LRRC49: variants seen among roughly 807,000 people sequenced by gnomAD.
The protein encoded by LRRC49 is leucine rich repeat containing 49.
In LRRC49, 50 loss-of-function variants were observed where a neutral mutation model predicts 83.3. That is an observed-to-expected ratio of 0.60 (90% CI 0.48 to 0.76). The LOEUF (loss-of-function observed/expected upper bound fraction) is 0.76. LRRC49 is among the 30% of genes least tolerant of loss of function. LRRC49 has a pLI of 0.00. For synonymous variants in LRRC49, 286 were observed against 283.3 expected (o/e 1.01, Z -0.10); for missense variants, 704 against 809.1 (o/e 0.87, Z 1.58).
chr15:70,860,193 C>T, intron 1 of LRRC49: 1 of 650,530 alleles, frequency 1.5e-6, no homozygotes, highest in South Asian at 1.7e-5. Flanking sequence ...CATCCTACCC[C>T]TCCTGCGGCT....
chr15:70,886,774 G>C (rs1286180026), intron 2 of LRRC49, among the ~76,000 whole-genome samples: 1 of 152,070 alleles, frequency 6.6e-6, no homozygotes. Flanking sequence ...GCTGAGACAG[G>C]AGAATCGCTT....
chr15:71,013,459 AATC>A (rs1308385371), intron 14 of LRRC49, among the ~76,000 whole-genome samples: 1 of 152,248 alleles, frequency 6.6e-6, no homozygotes, highest in Admixed American at 6.5e-5. Context: ...AAGCACAAGC[AATC>A]ATATAATTGG....
At chr15:71,011,864 C>T (rs1239885456) in intron 13 of LRRC49, among the ~76,000 whole-genome samples, 1 of 152,086 alleles carries the variant, frequency 6.6e-6, no homozygotes, top group Non-Finnish European at 1.5e-5. Context: ...AAGAGTATTA[C>T]AGATAGTGTC....
At chr15:70,898,397 G>T in intron 3 of LRRC49, 1 of 701,672 alleles carries the variant, frequency 1.4e-6, no homozygotes, top group Non-Finnish European at 2.6e-6. Context: ...AATGTAAAAT[G>T]AGGTCCATCA....
At chr15:70,882,773 G>A (rs2033297547) in intron 2 of LRRC49, 1 of 1,614,160 alleles carries the variant, frequency 6.2e-7, no homozygotes, top group Non-Finnish European at 8.5e-7. Flanking sequence ...ACACTACGGT[G>A]ACGGGGCCTT....
At chr15:70,977,242 A>G (rs1415535211) in intron 9 of LRRC49, among the ~76,000 whole-genome samples, 2 of 152,248 alleles carry the variant, frequency 1.3e-5, no homozygotes, top group Admixed American at 6.5e-5. Flanking sequence ...AAAGAATTTA[A>G]CAGAATTATT....
chr15:70,871,404 C>A (rs1225403205), intron 1 of LRRC49, among the ~76,000 whole-genome samples: 1 of 152,158 alleles, frequency 6.6e-6, no homozygotes, highest in Non-Finnish European at 1.5e-5. Context: ...CCCCACATTT[C>A]CCCCCTCTCT....
chr15:70,974,057 T>G (rs189531057), intron 9 of LRRC49, among the ~76,000 whole-genome samples: 2 of 151,702 alleles, frequency 1.3e-5, no homozygotes, highest in East Asian at 3.9e-4. Flanking sequence ...AACCAGGGAG[T>G]TGGAGGTTGC....
chr15:70,892,071 C>T (rs750784582), upstream of LRRC49: 70 of 1,613,802 alleles, frequency 4.3e-5, 1 homozygote, highest in East Asian at 2.5e-4. Context: ...TTCTGGATAA[C>T]CGAAGAGACG....
At chr15:70,887,590 A>C (rs1268631816), upstream of LRRC49, among the ~76,000 whole-genome samples, 1 of 151,974 alleles carries the variant, frequency 6.6e-6, no homozygotes, top group Non-Finnish European at 1.5e-5. Context: ...ATAAAGGGGA[A>C]CATTTCTTTT....
At chr15:70,861,377 T>C (rs1258615390) in intron 1 of LRRC49, among the ~76,000 whole-genome samples, 1 of 97,968 alleles carries the variant, frequency 1.0e-5, no homozygotes, top group Non-Finnish European at 2.6e-5. Flanking sequence ...TTCCCCCTAT[T>C]AGCATAGGAG....
chr15:71,047,676 C>T (rs2039891579), intron 15 of LRRC49, among the ~76,000 whole-genome samples: 1 of 152,200 alleles, frequency 6.6e-6, no homozygotes, highest in Non-Finnish European at 1.5e-5. Flanking sequence ...TAATTTCTTT[C>T]TCTTGCCTGA....
chr15:71,048,869 C>T, intron 15 of LRRC49: 1 of 455,880 alleles, frequency 2.2e-6, no homozygotes, highest in Non-Finnish European at 4.4e-6. Context: ...TTTACTCTTC[C>T]TAATTGTACA....
At chr15:70,974,969 A>G (rs922009728) in intron 9 of LRRC49, among the ~76,000 whole-genome samples, 2 of 152,268 alleles carry the variant, frequency 1.3e-5, no homozygotes, top group South Asian at 4.1e-4. Context: ...GATTAGACTT[A>G]GCAGCGTGTG....
chr15:70,997,520 G>T (rs1022306717), intron 11 of LRRC49, among the ~76,000 whole-genome samples: 2 of 152,126 alleles, frequency 1.3e-5, no homozygotes, highest in African/African-American at 4.8e-5. Flanking sequence ...GGAGGCTGAG[G>T]CGGGTGGATA....
At chr15:71,009,238 G>A (rs930173335) in intron 12 of LRRC49, among the ~76,000 whole-genome samples, 1 of 151,730 alleles carries the variant, frequency 6.6e-6, no homozygotes, top group African/African-American at 2.4e-5. Context: ...ATAGTTAGAG[G>A]TGAAGACAGT....
chr15:70,968,330 G>C (rs1232923452), intron 9 of LRRC49, among the ~76,000 whole-genome samples: 2 of 152,064 alleles, frequency 1.3e-5, no homozygotes, highest in African/African-American at 2.4e-5. Context: ...TCTTTTTTAT[G>C]GCTGCATAGT....
intron 1 of LRRC49, chr15:70,858,899 C>T: frequency 3.9e-6 from 3 of 765,178 alleles, no homozygotes; most frequent in Non-Finnish European, 7.2e-6. Flanking sequence ...GTATGGGAGG[C>T]ATCACCGCTG....
intron 9 of LRRC49, among the ~76,000 whole-genome samples, chr15:70,975,486 G>C (rs2037172087): frequency 6.6e-6 from 1 of 152,082 alleles, no homozygotes; most frequent in African/African-American, 2.4e-5. Flanking sequence ...TGAGTCAGGA[G>C]TTTGAGACCA....
Sources: allele counts gnomAD v4.1 joint callset (sites outside exome capture counted in the v4.1 genomes callset), GRCh38; gene constraint gnomAD v4.1.1; transcripts MANE v1.5; gene names NCBI Gene and HGNC (gene_info 2026-07-23, HGNC 2026-07-21).